Variants in PLA2G4A observed in about 807,000 individuals in gnomAD.
The protein encoded by PLA2G4A is cytosolic phospholipase A2.
A neutral mutation model predicts 81.9 loss-of-function variants in PLA2G4A; 40 were observed. The ratio of observed to expected loss-of-function variants is 0.49; its 90% CI spans 0.38 to 0.64. The LOEUF is 0.64. Among genes scored for constraint, PLA2G4A ranks in the 30% least tolerant of loss-of-function variants. PLA2G4A has a pLI of 0.00. For missense variants in PLA2G4A, 715 were observed against 905.1 expected, an observed-to-expected ratio of 0.79 and a Z score of 2.69; for synonymous variants, 302 against 296.9, an observed-to-expected ratio of 1.02 and a Z score of -0.18.
intron 15 of PLA2G4A, among the ~76,000 whole-genome samples, chr1:186,972,799 T>C (rs969299183): frequency 6.6e-6 from 1 of 152,160 alleles, no homozygotes; most frequent in African/African-American, 2.4e-5. Context: ...ATGATGGAAG[T>C]AATGTATCTA....
chr1:186,908,968 C>CTTT lies in PLA2G4A; in HGVS notation c.416+1987_416+1989dup, dbSNP rs1201226836. 6.9e-3 allele frequency among the ~76,000 whole-genome samples: 513 copies of CTTT among 74,614 alleles called. 2 individuals carry two copies. Among genetic ancestry groups the CTTT allele is most frequent in the Non-Finnish European group, 9.5e-3 (402 of 42,126 alleles). The allele number at this position is 74,614 out of a possible 152,430, so 48.9% of individuals were successfully genotyped here. ...GTAAGATTTTAATTTCTTTTCTTTT[C>CTTT]TTTTTTTTTTTTTTTTTTTTTTTGA... On this transcript the variant is annotated intron_variant, in intron 6 of 17. Transcript: ENST00000367466.
chr1:186,895,704 G>C (rs1262560892), intron 5 of PLA2G4A, among the ~76,000 whole-genome samples: 1 of 152,186 alleles, frequency 6.6e-6, no homozygotes, highest in Non-Finnish European at 1.5e-5. Flanking sequence ...GCAGAATAAA[G>C]AACGATTGTG....
At chr1:186,965,380 C>G in intron 14 of PLA2G4A, 29 bp from the exon 15 acceptor site, 1 of 1,463,786 alleles carries the variant, frequency 6.8e-7, no homozygotes, top group South Asian at 1.1e-5. Context: ...TCATTTAATT[C>G]ATTCTTGTTT....
At chr1:186,950,463 A>T (rs1444598151) in intron 12 of PLA2G4A, among the ~76,000 whole-genome samples, 194 bp from the exon 13 acceptor site, 1 of 152,144 alleles carries the variant, frequency 6.6e-6, no homozygotes, top group African/African-American at 2.4e-5. Context: ...GTCCCAGGAA[A>T]TTTTGTTTCC....
chr1:186,844,892 C>T (rs1652117759), intron 1 of PLA2G4A, among the ~76,000 whole-genome samples: 1 of 152,154 alleles, frequency 6.6e-6, no homozygotes, highest in Non-Finnish European at 1.5e-5. Flanking sequence ...AGGCCAGGTG[C>T]AGTGGCTCAC....
intron 16 of PLA2G4A, 73 bp from the exon 17 acceptor site, chr1:186,979,242 T>C (rs1657636204): frequency 1.8e-6 from 2 of 1,134,992 alleles, no homozygotes; most frequent in Admixed American, 1.7e-5. Flanking sequence ...TGTCTGTATG[T>C]TTTATTCCTT....
intron 17 of PLA2G4A, among the ~76,000 whole-genome samples, 168 bp from the exon 18 acceptor site, chr1:186,988,209 G>T (rs1213188461): frequency 1.3e-5 from 2 of 152,170 alleles, no homozygotes; most frequent in Non-Finnish European, 2.9e-5. Flanking sequence ...CAAGAGTGCA[G>T]TGGTGGGATG....
chr1:186,987,629 A>T (rs1657931512), intron 17 of PLA2G4A, among the ~76,000 whole-genome samples: 1 of 152,156 alleles, frequency 6.6e-6, no homozygotes, highest in African/African-American at 2.4e-5. Flanking sequence ...GCTCTTCAAT[A>T]ACTGCATCTA....
At chr1:186,956,433 T>G in intron 14 of PLA2G4A, 89 bp downstream of exon 14, 1 of 1,150,460 alleles carries the variant, frequency 8.7e-7, no homozygotes, top group Non-Finnish European at 1.3e-6. Context: ...TATTAACACT[T>G]ACTCATTTAT....
At chr1:186,903,707 A>C (rs1015576152) in intron 5 of PLA2G4A, among the ~76,000 whole-genome samples, 2 of 152,160 alleles carry the variant, frequency 1.3e-5, no homozygotes, top group Non-Finnish European at 2.9e-5. Flanking sequence ...TCACCCCCAC[A>C]TGGAAGGCTT....
intron 13 of PLA2G4A, among the ~76,000 whole-genome samples, chr1:186,953,115 A>G (rs1656622505): frequency 6.6e-6 from 1 of 152,188 alleles, no homozygotes; most frequent in Admixed American, 6.5e-5. Flanking sequence ...TGGTAAGAGT[A>G]TATTTAGTTT....
intron 17 of PLA2G4A, among the ~76,000 whole-genome samples, chr1:186,985,799 A>G (rs1176102010): frequency 6.6e-6 from 1 of 152,170 alleles, no homozygotes; most frequent in African/African-American, 2.4e-5. Context: ...GATAACACTG[A>G]AGGGAAGGAT....
chr1:186,877,303 A>G (rs1410756626), intron 3 of PLA2G4A, among the ~76,000 whole-genome samples: 2 of 152,030 alleles, frequency 1.3e-5, no homozygotes, highest in African/African-American at 4.8e-5. Flanking sequence ...AAGTACTTAT[A>G]TGCCTAACAC....
At chr1:186,856,767 T>C (rs1652568457) in intron 2 of PLA2G4A, among the ~76,000 whole-genome samples, 2 of 151,924 alleles carry the variant, frequency 1.3e-5, no homozygotes, top group African/African-American at 4.8e-5. Context: ...GGAATCCTTC[T>C]GGAAAGGATT....
At chr1:186,936,465 C>T (rs1655949100) in intron 8 of PLA2G4A, among the ~76,000 whole-genome samples, 1 of 151,882 alleles carries the variant, frequency 6.6e-6, no homozygotes, top group African/African-American at 2.4e-5. Flanking sequence ...TGTTAAGTGA[C>T]TGCGTTTTAT....
At chr1:186,867,878 C>T (rs1281105891) in intron 2 of PLA2G4A, among the ~76,000 whole-genome samples, 1 of 151,940 alleles carries the variant, frequency 6.6e-6, no homozygotes, top group Non-Finnish European at 1.5e-5. Context: ...CCTTCTATTT[C>T]TAGCTCACTG....
chr1:186,932,655 C>G, intron 7 of PLA2G4A, 108 bp from the exon 8 acceptor site: 1 of 1,146,456 alleles, frequency 8.7e-7, no homozygotes, highest in Non-Finnish European at 1.3e-6. Context: ...TTAACTTACA[C>G]TTCTTTGTGA....
chr1:186,919,363 T>C (rs1302096694), intron 7 of PLA2G4A, among the ~76,000 whole-genome samples: 1 of 152,140 alleles, frequency 6.6e-6, no homozygotes, highest in Non-Finnish European at 1.5e-5. Context: ...CCTTTCCGAA[T>C]AGTGAATCCC....
Position 186,965,400 on chromosome 1 carries a change from G to C in PLA2G4A, c.1580-9G>C. 1 of 1,568,864 alleles carries C rather than the reference G, an allele frequency of 6.4e-7. No individual in the cohort carries two copies. The highest frequency in any genetic ancestry group is 8.8e-7 in the Non-Finnish European group (1 of 1,139,150). ...TAATTCATTCTTGTTTTTCTTTTAT[G>C]TTTTTAAGATCCTGATGAATTTGAG... On this transcript the variant is annotated splice_polypyrimidine_tract_variant and intron_variant, in intron 14 of 17. Transcript: ENST00000367466.
Sources: allele counts gnomAD v4.1 joint callset (sites outside exome capture counted in the v4.1 genomes callset), GRCh38; gene constraint gnomAD v4.1.1; transcripts MANE v1.5; gene names NCBI Gene and HGNC (gene_info 2026-07-23, HGNC 2026-07-21).